The following FRMD4A variants were observed in gnomAD, a reference collection of about 807,000 sequenced individuals.
FRMD4A encodes FERM domain-containing protein 4A.
Under a neutral mutation model 129.1 loss-of-function variants are expected in FRMD4A, and 29 were observed. The ratio of observed to expected loss-of-function variants is 0.22; its 90% CI spans 0.17 to 0.31. The LOEUF (loss-of-function observed/expected upper bound fraction) is 0.31. Ranked by LOEUF, FRMD4A falls within the 10% of genes least tolerant of loss-of-function variation. The probability of loss-of-function intolerance (pLI) is 1.00; values close to 1 mark genes in which losing one functional copy is unlikely to be tolerated. For missense variants in FRMD4A, 1,272 were observed against 1,375.8 expected (o/e 0.92, Z 1.19); for synonymous variants, 634 against 571.6 (o/e 1.11, Z -1.56).
chr10:13,802,003 C>CAAAAAAAA (rs11426622), intron 4 of FRMD4A, among the ~76,000 whole-genome samples: 4 of 109,504 alleles, frequency 3.7e-5, no homozygotes, highest in Non-Finnish European at 5.3e-5. Flanking sequence ...AATAATAATG[C>CAAAAAAAA]AAAAAAAAAA....
At chr10:13,717,868 C>A (rs549706793) in intron 12 of FRMD4A, among the ~76,000 whole-genome samples, 116 of 151,860 alleles carry the variant, frequency 7.6e-4, no homozygotes, top group Non-Finnish European at 1.5e-3. Context: ...GGACTGGCAA[C>A]CAGCTCTGCA....
chr10:13,695,570 A>T (rs1032589897), intron 14 of FRMD4A, among the ~76,000 whole-genome samples: 1 of 152,208 alleles, frequency 6.6e-6, no homozygotes, highest in African/African-American at 2.4e-5. Flanking sequence ...ACTTTTTGTG[A>T]GTGTGCTGAA....
intron 5 of FRMD4A, among the ~76,000 whole-genome samples, chr10:13,794,143 C>T (rs2093062741): frequency 6.6e-6 from 1 of 151,774 alleles, no homozygotes; most frequent in Non-Finnish European, 1.5e-5. Flanking sequence ...CATAAAAATT[C>T]TAGGTTGGGA....
intron 12 of FRMD4A, among the ~76,000 whole-genome samples, chr10:13,709,413 C>T (rs953678585): frequency 6.6e-6 from 1 of 152,210 alleles, no homozygotes; most frequent in African/African-American, 2.4e-5. Context: ...GACCTTAGAT[C>T]TTACTATGAA....
At chr10:13,706,194 C>G (rs923069720) in intron 13 of FRMD4A, among the ~76,000 whole-genome samples, 2 of 152,164 alleles carry the variant, frequency 1.3e-5, no homozygotes, top group African/African-American at 4.8e-5. Flanking sequence ...TTTCTGTCTC[C>G]CTGGGGCTAC....
At chr10:14,249,620 T>C (rs1844366556) in intron 2 of FRMD4A, among the ~76,000 whole-genome samples, 1 of 152,202 alleles carries the variant, frequency 6.6e-6, no homozygotes, top group African/African-American at 2.4e-5. Context: ...GACCCAGAAA[T>C]TTCACTTACA....
chr10:14,168,620 C>T (rs554360259), intron 2 of FRMD4A, among the ~76,000 whole-genome samples: 3 of 152,314 alleles, frequency 2.0e-5, no homozygotes, highest in Non-Finnish European at 2.9e-5. Context: ...TTATTCCAGG[C>T]ATTGGTCATG....
At chr10:13,892,033 C>CT (rs2094705557) in intron 2 of FRMD4A, among the ~76,000 whole-genome samples, 3 of 151,488 alleles carry the variant, frequency 2.0e-5, no homozygotes, top group Admixed American at 2.0e-4. Context: ...CCCCGCCCCC[C>CT]CAGAAAGCCA....
intron 13 of FRMD4A, 130 bp from the exon 14 acceptor site, chr10:13,701,608 C>A: frequency 4.0e-6 from 3 of 757,818 alleles, no homozygotes; most frequent in Admixed American, 2.3e-5. Flanking sequence ...TGAGCTCTCA[C>A]ATACACCTAG....
intron 2 of FRMD4A, among the ~76,000 whole-genome samples, chr10:14,289,197 G>A (rs147195587): frequency 7.6e-4 from 116 of 152,166 alleles, no homozygotes; most frequent in African/African-American, 2.5e-3. Context: ...TCATTATACC[G>A]TTTTGTATAG....
chr10:13,848,946 A>G (rs533073206), intron 3 of FRMD4A, among the ~76,000 whole-genome samples: 1 of 152,300 alleles, frequency 6.6e-6, no homozygotes, highest in African/African-American at 2.4e-5. Flanking sequence ...CCATTGCGTT[A>G]TCTGTCTGTG....
At chr10:13,991,180 C>T (rs1168367727) in intron 2 of FRMD4A, among the ~76,000 whole-genome samples, 2 of 152,122 alleles carry the variant, frequency 1.3e-5, no homozygotes, top group East Asian at 3.8e-4. Context: ...TGATAGCATT[C>T]AGCTGAGTAC....
intron 2 of FRMD4A, among the ~76,000 whole-genome samples, chr10:14,027,359 G>A (rs757156069): frequency 2.4e-4 from 36 of 152,172 alleles, no homozygotes; most frequent in Non-Finnish European, 4.1e-4. Flanking sequence ...CAGTCAATGC[G>A]GCCGGGCATG....
chr10:13,722,801 C>T (rs2089548490), intron 12 of FRMD4A, among the ~76,000 whole-genome samples: 1 of 152,188 alleles, frequency 6.6e-6, no homozygotes, highest in African/African-American at 2.4e-5. Context: ...AGATAGATCT[C>T]CATGCTGGTT....
intron 5 of FRMD4A, among the ~76,000 whole-genome samples, chr10:13,795,895 A>G (rs892861636): frequency 6.6e-6 from 1 of 152,202 alleles, no homozygotes; most frequent in Non-Finnish European, 1.5e-5. Flanking sequence ...AACTATTTAA[A>G]TCACTATAGC....
chr10:13,773,017 G>A (rs1278106073), intron 6 of FRMD4A, among the ~76,000 whole-genome samples: 1 of 152,178 alleles, frequency 6.6e-6, no homozygotes, highest in Non-Finnish European at 1.5e-5. Context: ...TTGCCCTGAT[G>A]TGGTTATTAC....
At chr10:13,658,732 A>C (rs1212381459) in intron 21 of FRMD4A, among the ~76,000 whole-genome samples, 1 of 152,048 alleles carries the variant, frequency 6.6e-6, no homozygotes, top group East Asian at 1.9e-4. Flanking sequence ...AAATACAAAA[A>C]TTAGCCAGGC....
At chr10:13,772,596 A>T (rs1174478773) in intron 6 of FRMD4A, among the ~76,000 whole-genome samples, 2 of 152,206 alleles carry the variant, frequency 1.3e-5, no homozygotes, top group Admixed American at 1.3e-4. Context: ...TGTGTCCTAT[A>T]GTTCACCTGG....
At chr10:14,084,968 C>T (rs555627805) in intron 2 of FRMD4A, among the ~76,000 whole-genome samples, 7 of 152,324 alleles carry the variant, frequency 4.6e-5, no homozygotes, top group Admixed American at 2.6e-4. Flanking sequence ...CAATAACAAA[C>T]TATTTTTTCA....
Sources: allele counts gnomAD v4.1 joint callset (sites outside exome capture counted in the v4.1 genomes callset), GRCh38; gene constraint gnomAD v4.1.1; transcripts MANE v1.5; gene names NCBI Gene and HGNC (gene_info 2026-07-23, HGNC 2026-07-21).